The following LRGUK variants were observed in gnomAD, a reference collection of about 807,000 sequenced individuals.
LRGUK encodes the protein leucine-rich repeat and guanylate kinase domain-containing protein.
LRGUK carries 65 observed loss-of-function variants against 76.0 expected under a neutral mutation model. The ratio of observed to expected loss-of-function variants is 0.85; its 90% confidence interval spans 0.70 to 1.05. LRGUK has a LOEUF of 1.05. LRGUK is among the 50% of genes least tolerant of loss of function. The probability of loss-of-function intolerance (pLI) is 0.00; values close to 1 mark genes in which losing one functional copy is unlikely to be tolerated. For missense variants in LRGUK, 758 were observed against 732.8 expected, an observed-to-expected ratio of 1.03 and a Z score of -0.40; for synonymous variants, 268 against 265.6, an observed-to-expected ratio of 1.01 and a Z score of -0.09.
At chr7:134,148,065 A>C (rs1373501072) in intron 4 of LRGUK, among the ~76,000 whole-genome samples, 173 bp from the exon 5 acceptor site, 1 of 147,640 alleles carries the variant, frequency 6.8e-6, no homozygotes. Flanking sequence ...CCTTTTCAAA[A>C]AAAAAAAAAA....
downstream of LRGUK, among the ~76,000 whole-genome samples, chr7:134,213,042 A>G (rs1407884186): frequency 6.6e-6 from 1 of 152,220 alleles, no homozygotes; most frequent in Admixed American, 6.5e-5. Flanking sequence ...CAGAATAGTC[A>G]GCAGACTGAT....
intron 15 of LRGUK, among the ~76,000 whole-genome samples, 181 bp from the exon 16 acceptor site, chr7:134,221,597 AT>A (rs1316376565): frequency 6.6e-6 from 1 of 152,096 alleles, no homozygotes; most frequent in African/African-American, 2.4e-5. Flanking sequence ...TTATAGGCTG[AT>A]TTTATTATTA....
At chr7:134,166,773 C>A (rs1451110444) in intron 7 of LRGUK, among the ~76,000 whole-genome samples, 3 of 152,182 alleles carry the variant, frequency 2.0e-5, no homozygotes, top group South Asian at 2.1e-4. Context: ...ATAGAAGGAA[C>A]ATTCTTTGCC....
intron 7 of LRGUK, among the ~76,000 whole-genome samples, chr7:134,168,499 C>T (rs531360066): frequency 1.3e-5 from 2 of 152,208 alleles, no homozygotes; most frequent in East Asian, 3.9e-4. Context: ...TCTGGAATGA[C>T]TGTGTATAAG....
chr7:134,159,003 C>T (rs539599153), intron 6 of LRGUK, among the ~76,000 whole-genome samples: 82 of 152,198 alleles, frequency 5.4e-4, no homozygotes, highest in African/African-American at 1.9e-3. Flanking sequence ...AAATTTCTTA[C>T]AAGAACTATC....
At chr7:134,139,568 C>T (rs371908249) in intron 3 of LRGUK, 51 bp downstream of exon 3, 19 of 1,179,200 alleles carry the variant, frequency 1.6e-5, no homozygotes, top group Middle Eastern at 2.0e-4. Context: ...AAAACTTAAA[C>T]GTTGCAGTAT....
intron 7 of LRGUK, among the ~76,000 whole-genome samples, chr7:134,174,044 G>A (rs1799376239): frequency 6.6e-6 from 1 of 151,216 alleles, no homozygotes; most frequent in Non-Finnish European, 1.5e-5. Context: ...GGGAGTCGGA[G>A]GTTGCAGTGA....
intron 5 of LRGUK, among the ~76,000 whole-genome samples, chr7:134,154,918 T>C (rs1798392664): frequency 6.6e-6 from 1 of 152,240 alleles, no homozygotes; most frequent in Admixed American, 6.5e-5. Flanking sequence ...TTTTGATTCC[T>C]GATATCTCTT....
chr7:134,225,235 A>T (rs1801711242), intron 16 of LRGUK, among the ~76,000 whole-genome samples: 1 of 151,798 alleles, frequency 6.6e-6, no homozygotes, highest in Non-Finnish European at 1.5e-5. Context: ...AGAGGAGAGG[A>T]TAAAAAGGCA....
At chr7:134,168,454 T>C (rs1799091146) in intron 7 of LRGUK, among the ~76,000 whole-genome samples, 1 of 152,176 alleles carries the variant, frequency 6.6e-6, no homozygotes, top group Admixed American at 6.5e-5. Context: ...TTCTATCAAA[T>C]GCTTGGTTGA....
At chr7:134,216,716 T>C (rs1253287647) in intron 15 of LRGUK, among the ~76,000 whole-genome samples, 1 of 152,182 alleles carries the variant, frequency 6.6e-6, no homozygotes, top group Non-Finnish European at 1.5e-5. Flanking sequence ...TCTTTTCTTT[T>C]TGTGGCTCAA....
intron 15 of LRGUK, among the ~76,000 whole-genome samples, chr7:134,219,878 T>C (rs1376805901): frequency 6.6e-6 from 1 of 152,170 alleles, no homozygotes; most frequent in Non-Finnish European, 1.5e-5. Flanking sequence ...TTGTTCAAGA[T>C]GTCACCACCT....
chr7:134,191,829 T>TA, intron 12 of LRGUK, 78 bp downstream of exon 12: 3 of 1,001,288 alleles, frequency 3.0e-6, no homozygotes, highest in Non-Finnish European at 4.4e-6. Flanking sequence ...TAGTTATAAA[T>TA]AAAAAAAGGA....
chr7:134,146,611 A>G (rs1169893999), intron 4 of LRGUK, among the ~76,000 whole-genome samples: 1 of 152,158 alleles, frequency 6.6e-6, no homozygotes, highest in Non-Finnish European at 1.5e-5. Flanking sequence ...ATTTCTTCAT[A>G]TAGTTTGCTA....
chr7:134,183,940 G>A (rs1799870325), intron 11 of LRGUK, 87 bp downstream of exon 11: 3 of 1,449,336 alleles, frequency 2.1e-6, no homozygotes, highest in Non-Finnish European at 2.8e-6. Context: ...CTCCGATATT[G>A]CTAATGTTGG....
chr7:134,171,994 C>A (rs1799274754), intron 7 of LRGUK, among the ~76,000 whole-genome samples: 1 of 152,138 alleles, frequency 6.6e-6, no homozygotes, highest in Non-Finnish European at 1.5e-5. Flanking sequence ...TCATCCTACC[C>A]ATGGAAGGCC....
intron 18 of LRGUK, among the ~76,000 whole-genome samples, chr7:134,256,999 G>A (rs1357785328): frequency 6.6e-6 from 1 of 152,146 alleles, no homozygotes; most frequent in Non-Finnish European, 1.5e-5. Context: ...GTGGGAGATG[G>A]GGACTGCACT....
chr7:134,261,594 A>G (rs1280555982), intron 19 of LRGUK, among the ~76,000 whole-genome samples: 1 of 152,214 alleles, frequency 6.6e-6, no homozygotes, highest in Non-Finnish European at 1.5e-5. Context: ...AATTTCAGGG[A>G]AAGTCCACTA....
chr7:134,200,146 T>A (rs2117087077), intron 14 of LRGUK, among the ~76,000 whole-genome samples: 1 of 150,458 alleles, frequency 6.6e-6, no homozygotes, highest in Non-Finnish European at 1.5e-5. Flanking sequence ...AAGCAATAGA[T>A]CTGCCTCAAC....
Sources: gnomAD v4.1 joint callset for allele counts (sites outside exome capture counted in the v4.1 genomes callset) on GRCh38, gnomAD v4.1.1 for gene constraint, MANE v1.5 for transcripts, NCBI Gene and HGNC (gene_info 2026-07-23, HGNC 2026-07-21) for gene names.